The following MYH11 variants were observed in gnomAD, a reference collection of about 807,000 sequenced individuals.
MYH11 encodes the protein myosin-11.
In MYH11, 80 loss-of-function variants were observed where a neutral mutation model predicts 246.6. The ratio of observed to expected loss-of-function variants is 0.32; its 90% CI spans 0.27 to 0.39. The LOEUF is 0.39. MYH11 is among the 10% of genes least tolerant of loss of function. The pLI is 1.00. For synonymous variants in MYH11, 1,071 were observed against 1,015.5 expected (o/e 1.05, Z -1.04); for missense variants, 2,158 against 2,546.8 (o/e 0.85, Z 3.29).
intron 28 of MYH11, chr16:15,726,259 G>A (rs151237298): frequency 1.8e-4 from 28 of 154,800 alleles, no homozygotes; most frequent in Admixed American, 1.2e-3. Context: ...CTGGGGCAGC[G>A]ACAGTGTCTC....
At chr16:15,753,909 G>C (rs929021003) in intron 14 of MYH11, among the ~76,000 whole-genome samples, 4 of 152,050 alleles carry the variant, frequency 2.6e-5, no homozygotes, top group Admixed American at 2.6e-4. Flanking sequence ...TCCTGGTTTA[G>C]AAATTAAGCA....
chr16:15,714,334 GACATTTTTGGTTGTC>G (rs1450132204), intron 40 of MYH11: 1 of 164,714 alleles, frequency 6.1e-6, no homozygotes, highest in African/African-American at 2.4e-5. Flanking sequence ...AACATCTAGA[GACATTTTTGGTTGTC>G]ACATTGCAGG....
At chr16:15,742,008 G>C in intron 20 of MYH11, 117 bp from the exon 21 acceptor site, 1 of 1,462,976 alleles carries the variant, frequency 6.8e-7, no homozygotes, top group South Asian at 1.2e-5. Context: ...ATCCCCACTA[G>C]GGGATATTGT....
intron 26 of MYH11, chr16:15,733,034 T>C (rs1057080697): frequency 8.5e-5 from 36 of 421,934 alleles, no homozygotes; most frequent in African/African-American, 6.8e-4. Flanking sequence ...GCAGTTACTA[T>C]ATGCCAGGCC....
chr16:15,745,425 G>C (rs1445538797), intron 19 of MYH11, among the ~76,000 whole-genome samples, 188 bp from the exon 20 acceptor site: 1 of 152,092 alleles, frequency 6.6e-6, no homozygotes, highest in African/African-American at 2.4e-5. Flanking sequence ...CTACAGGACA[G>C]AGCCTTTTTC....
At position 15,709,089 on chromosome 16, in the gene MYH11, G is replaced by T. The variant is rs9746950; in HGVS notation, c.5787-4966C>A. Among the ~76,000 whole-genome samples, 97,824 of 149,892 alleles carry T rather than the reference G, an allele frequency of 0.65. 31,592 individuals are homozygous for T. The highest frequency in any genetic ancestry group is 0.74 in the Middle Eastern group (209 of 282). On this transcript the variant is annotated intron_variant, in intron 40 of 40. Coordinates refer to ENST00000300036, the MANE Select transcript of MYH11 (RefSeq NM_002474.3). ...TCCCGAGTAGCTGGGATTACAGGCAGGCCCCACGTGCTTGGCTAATTTTTG... is the reference window on the plus strand; with the variant it reads ...TCCCGAGTAGCTGGGATTACAGGCATGCCCCACGTGCTTGGCTAATTTTTG...
chr16:15,761,533 C>T (rs2041867581), intron 10 of MYH11, among the ~76,000 whole-genome samples: 2 of 152,006 alleles, frequency 1.3e-5, no homozygotes, highest in Non-Finnish European at 2.9e-5. Flanking sequence ...GCATTGTTTG[C>T]AATAGCAAAA....
Position 15,719,803 on chromosome 16 carries a change from A to C in MYH11, c.4954-90T>G, listed in dbSNP as rs572946076. The C allele has an allele frequency of 7.0e-6, 11 of 1,564,852 alleles. No homozygotes were observed. In the African/African-American group the frequency reaches 9.4e-5, roughly 13 times the overall value. On this transcript the variant is annotated intron_variant, in intron 34 of 40. Coordinates refer to ENST00000300036, the MANE Select transcript of MYH11 (RefSeq NM_002474.3). ...TCAGCTTTGCACACCCACCCCTTGG[A>C]TTTTCTGCAGTTGACCACAAAGAAG...
chr16:15,709,768 C>A (rs988125553), intron 40 of MYH11, among the ~76,000 whole-genome samples: 2 of 152,162 alleles, frequency 1.3e-5, no homozygotes, highest in Admixed American at 1.3e-4. Flanking sequence ...CAAGAAGTCC[C>A]AGGCAAGGAA....
intron 1 of MYH11, among the ~76,000 whole-genome samples, chr16:15,852,436 G>A (rs1444439573): frequency 4.0e-5 from 6 of 150,138 alleles, no homozygotes; most frequent in Admixed American, 6.7e-5. Context: ...AGGCTCAAGC[G>A]ATTCTCGTGC....
chr16:15,716,057 C>T (rs2040114063), intron 38 of MYH11, among the ~76,000 whole-genome samples: 1 of 151,974 alleles, frequency 6.6e-6, no homozygotes, highest in African/African-American at 2.4e-5. Context: ...GCTGAGATCG[C>T]ACCACTGCAC....
intron 13 of MYH11, 36 bp downstream of exon 13, chr16:15,757,791 G>C (rs1453380868): frequency 6.2e-7 from 1 of 1,613,942 alleles, no homozygotes; most frequent in Non-Finnish European, 8.5e-7. Context: ...CGTGTACAAG[G>C]TGTGACGGAG....
At chr16:15,720,587 GAA>G (rs79015002) in intron 33 of MYH11, among the ~76,000 whole-genome samples, 4 of 138,776 alleles carry the variant, frequency 2.9e-5, no homozygotes, top group African/African-American at 5.2e-5. Flanking sequence ...TGTCTCCACT[GAA>G]AAAAAAAAAA....
At chr16:15,812,291 C>A (rs182719844) in intron 3 of MYH11, among the ~76,000 whole-genome samples, 1 of 152,082 alleles carries the variant, frequency 6.6e-6, no homozygotes, top group African/African-American at 2.4e-5. Flanking sequence ...ATAGCTCTTG[C>A]GGCTAGCGTT....
intron 6 of MYH11, among the ~76,000 whole-genome samples, chr16:15,779,619 A>G (rs1354007228): frequency 6.6e-6 from 1 of 152,154 alleles, no homozygotes. Flanking sequence ...ACATCATCCA[A>G]CTATGGATTA....
chr16:15,809,096 T>A (rs888952235), intron 3 of MYH11, among the ~76,000 whole-genome samples: 2 of 152,048 alleles, frequency 1.3e-5, no homozygotes, highest in African/African-American at 4.8e-5. Flanking sequence ...CAAGGAAGCC[T>A]CCCCTGTCCT....
intron 9 of MYH11, 67 bp from the exon 10 acceptor site, chr16:15,763,958 G>A: frequency 7.6e-7 from 1 of 1,311,832 alleles, no homozygotes; most frequent in Non-Finnish European, 1.1e-6. Context: ...GAGTTTTGGA[G>A]CCTAAAGCCA....
At chr16:15,753,631 A>C in intron 14 of MYH11, 123 bp from the exon 15 acceptor site, 1 of 772,380 alleles carries the variant, frequency 1.3e-6, no homozygotes, top group Non-Finnish European at 2.3e-6. Context: ...AATGACGTTT[A>C]TGACCACCAT....
At chr16:15,828,994 G>C (rs1046260410) in intron 2 of MYH11, among the ~76,000 whole-genome samples, 2 of 151,824 alleles carry the variant, frequency 1.3e-5, no homozygotes, top group Non-Finnish European at 2.9e-5. Flanking sequence ...GAACAGCCTG[G>C]CTAACATGGC....
Sources: allele counts gnomAD v4.1 joint callset (sites outside exome capture counted in the v4.1 genomes callset), GRCh38; gene constraint gnomAD v4.1.1; transcripts MANE v1.5; gene names NCBI Gene and HGNC (gene_info 2026-07-23, HGNC 2026-07-21).